Variants in TERT observed in about 807,000 individuals in gnomAD.
TERT encodes telomerase catalytic subunit.
TERT carries 42 observed loss-of-function variants against 104.0 expected under a neutral mutation model. The ratio of observed to expected loss-of-function variants is 0.40; its 90% CI spans 0.32 to 0.52. The LOEUF is 0.52. Ranked by LOEUF, TERT falls within the 20% of genes least tolerant of loss-of-function variation. The pLI is 0.43. For synonymous variants in TERT, 781 were observed against 725.6 expected, an observed-to-expected ratio of 1.08 and a Z score of -1.23; for missense variants, 1,101 against 1,610.3, an observed-to-expected ratio of 0.68 and a Z score of 5.41.
chr5:1,289,642 A>G (rs1412706990), intron 2 of TERT, among the ~76,000 whole-genome samples: 1 of 103,766 alleles, frequency 9.6e-6, no homozygotes, highest in East Asian at 2.8e-4. Flanking sequence ...CGCCTCACTC[A>G]CCCTGCACGT....
In TERT at chr5:1,293,397, G is replaced by A. The variant is rs747756167; in HGVS notation, c.1489C>T (p.Leu497=). The change falls in exon 2 of 16, where the codon CTG becomes TTG. Residue 497 remains leucine, a synonymous_variant. Coordinates refer to ENST00000310581, the MANE Select transcript of TERT (RefSeq NM_198253.3). The stretch of plus-strand genomic sequence containing the variant: ...AGCGAGAGCTTGGCATGCTTCCCCA[G>A]GGAGATGAACTTCTTGGTGTTCCTG... ...FLRNTKKFIS[L]GKHAKLSLQE... is the part of the protein sequence containing the mutation. The A allele has an allele frequency of 6.2e-7, 1 of 1,613,320 alleles. No homozygotes were observed. Among genetic ancestry groups the A allele is most frequent in the Admixed American group, 1.7e-5 (1 of 60,022 alleles).
chr5:1,270,044 G>A lies in TERT; in HGVS notation c.2468+1075C>T, dbSNP rs1339967473. On this transcript the variant is annotated intron_variant, in intron 8 of 15. Coordinates refer to ENST00000310581, the MANE Select transcript of TERT (RefSeq NM_198253.3). The surrounding 1 kb of genome is among the most constrained non-coding windows in gnomAD (Gnocchi z 8.3). Reference sequence around the variant, plus strand: ...ACGACCACGAAGGAGGCCCGTGGTGGCTTCTCTGGGGAGGTGACTTTGTCA... The same window carrying A: ...ACGACCACGAAGGAGGCCCGTGGTGACTTCTCTGGGGAGGTGACTTTGTCA... 6.6e-6 allele frequency among the ~76,000 whole-genome samples: 1 copy of A among 152,180 alleles called. No individual in the cohort carries two copies. Among genetic ancestry groups the A allele is most frequent in the East Asian group, 1.9e-4 (1 of 5,186 alleles).
intron 3 of TERT, 61 bp from the exon 4 acceptor site, chr5:1,280,399 A>C: frequency 6.4e-7 from 1 of 1,558,492 alleles, no homozygotes; most frequent in Non-Finnish European, 8.7e-7. Flanking sequence ...GGGGAAGCTC[A>C]CGGGAAGCCA....
At chr5:1,293,244 C>T (rs942953904) in intron 2 of TERT, 69 bp downstream of exon 2, 4 of 1,583,842 alleles carry the variant, frequency 2.5e-6, no homozygotes, top group Admixed American at 1.7e-5. Flanking sequence ...GCTCTGCCTG[C>T]CCCCTTTTCT....
At position 1,260,547 on chromosome 5, in the gene TERT, G is replaced by C. The variant is rs766236334; in HGVS notation, c.2897C>G (p.Ala966Gly). ...ASLTFNRGFK[A>G]GRNMRRKLFG... ...GAGTTTGCGACGCATGTTCCTCCCAGCCTTGAAGCCGCGGTTGAAGGTGAG... is the reference window on the plus strand; with the variant it reads ...GAGTTTGCGACGCATGTTCCTCCCACCCTTGAAGCCGCGGTTGAAGGTGAG... The change falls in exon 12 of 16, where the codon GCT becomes GGT. Residue 966 changes from alanine (A) to glycine (G), a missense_variant. Physicochemically the swap from Ala to Gly is moderately conservative, Grantham distance 60 (BLOSUM62 0). Transcript: ENST00000310581. 1 of 1,614,076 alleles carries C rather than the reference G, an allele frequency of 6.2e-7. No homozygotes were observed. Among genetic ancestry groups the C allele is most frequent in the Non-Finnish European group, 8.5e-7 (1 of 1,180,028 alleles).
chr5:1,279,603 C>T lies in TERT; in HGVS notation c.1951-133G>A, dbSNP rs1291286060. On this transcript the variant is annotated intron_variant, in intron 4 of 15. Transcript: ENST00000310581. ...CCCAGACCCGGGACCTAGAACCCCTCCCAGCTTCCTCAGACCCTGTTTGAA... is the reference window on the plus strand; with the variant it reads ...CCCAGACCCGGGACCTAGAACCCCTTCCAGCTTCCTCAGACCCTGTTTGAA... The T allele has an allele frequency of 5.7e-6, 5 of 880,982 alleles. No individual in the cohort carries two copies. The East Asian group carries it at 1.3e-4, about 23-fold the overall frequency. 54.6% of individuals were successfully genotyped at this position (880,982 alleles called of 1,614,324 possible). A position where few individuals can be genotyped will look rare whatever the true frequency, so the allele number is the denominator to read the frequency against.
Position 1,280,223 on chromosome 5 carries a change from C to G in TERT, c.1885G>C (p.Gly629Arg). ...SRLRFIPKPD[G>R]LRPIVNMDYV... ...TCCATGTTCACAATCGGCCGCAGCC[C>G]GTCAGGCTTGGGGATGAAGCGGAGT... Residue 629 changes from glycine (G) to arginine (R), a missense_variant, in exon 4 of 16, where the codon GGG (glycine) becomes CGG (arginine). Transcript: ENST00000310581. 6.2e-7 allele frequency: 1 copy of G among 1,614,008 alleles called. No individual in the cohort carries two copies. Among genetic ancestry groups the G allele is most frequent in the Non-Finnish European group, 8.5e-7 (1 of 1,180,046 alleles).
chr5:1,293,473 C>T lies in TERT; in HGVS notation c.1413G>A (p.Arg471=). The part of the protein sequence containing the change: ...VYGFVRACLR[R]LVPPGLWGSR... ...AGCCCCAGAGGCCTGGGGGCACCAG[C>T]CGGCGCAGGCAGGCCCGCACGAAGC... Residue 471 remains arginine (R), a synonymous_variant, in exon 2 of 16, where the codon CGG becomes CGA. Coordinates refer to ENST00000310581, the MANE Select transcript of TERT (RefSeq NM_198253.3). 1 of 1,605,436 alleles carries T rather than the reference C, an allele frequency of 6.2e-7. No individual in the cohort carries two copies.
At chr5:1,290,514 C>G (rs150095091) in intron 2 of TERT, among the ~76,000 whole-genome samples, 1 of 26,032 alleles carries the variant, frequency 3.8e-5, no homozygotes, top group Non-Finnish European at 6.5e-5. Context: ...CCGGGGACAG[C>G]GCCTCACTCA....
In TERT at chr5:1,293,537, T is replaced by C. The variant is rs1751132215; in HGVS notation, c.1349A>G (p.Gln450Arg). 6.4e-7 allele frequency: 1 copy of C among 1,553,834 alleles called. No individual in the cohort carries two copies. The highest frequency in any genetic ancestry group is 1.9e-5 in the Admixed American group (1 of 51,410). The change falls in exon 2 of 16, where the codon CAG becomes CGG. Residue 450 changes from glutamine to arginine, a missense_variant. By Grantham distance (43) the Gln-to-Arg change is conservative. Around this residue, in one of 5 missense-constraint regions of TERT, gnomAD observed 504 missense variants for 544.6 expected, o/e 0.93. Coordinates refer to ENST00000310581, the MANE Select transcript of TERT (RefSeq NM_198253.3). ...EEDTDPRRLV[Q>R]LLRQHSSPWQ... is the part of the protein sequence containing the mutation. ...GGGGCTGCTGTGCTGGCGGAGCAGC[T>C]GCACCAGGCGACGGGGGTCTGTGTC...
chr5:1,284,069 A>C (rs1298482221), intron 2 of TERT, among the ~76,000 whole-genome samples: 1 of 126,586 alleles, frequency 7.9e-6, no homozygotes, highest in Non-Finnish European at 1.7e-5. Context: ...TCCAGCTCAC[A>C]GCAGGGCCTG....
chr5:1,291,654 A>ACGCCTCAC (rs1750986047), intron 2 of TERT, among the ~76,000 whole-genome samples: 2 of 68,608 alleles, frequency 2.9e-5, no homozygotes, highest in Admixed American at 1.7e-4. Flanking sequence ...CCACACCTCA[A>ACGCCTCAC]TCACGCTGCA....
Position 1,279,365 on chromosome 5 carries a change from T to C in TERT, c.2056A>G (p.Ile686Val). Reference protein sequence around the residue: ...LGASVLGLDDIHRAWRTFVLR... With the variant: ...LGASVLGLDDVHRAWRTFVLR... The stretch of plus-strand genomic sequence containing the variant: ...ACGAAGGTGCGCCAGGCCCTGTGGA[T>C]ATCGTCCAGGCCCAGCACAGAGGCG... Residue 686 changes from isoleucine (I) to valine (V), a missense_variant, in exon 5 of 16, where the codon ATC becomes GTC. Ile to Val is a conservative substitution (Grantham distance 29, BLOSUM62 3). Transcript: ENST00000310581. 1 of 1,571,184 alleles carries C rather than the reference T, an allele frequency of 6.4e-7. No homozygotes were observed. Among genetic ancestry groups the C allele is most frequent in the South Asian group, 1.2e-5 (1 of 85,530 alleles).
rs372497245 is a variant in TERT at position 1,271,169 on chromosome 5, G to A, written c.2418C>T (p.Phe806=). 6.3e-5 allele frequency: 101 copies of A among 1,613,080 alleles called. No individual in the cohort carries two copies. Among genetic ancestry groups the A allele is most frequent in the African/African-American group, 9.3e-5 (7 of 74,948 alleles). The change falls in exon 8 of 16, where the codon TTC becomes TTT. Residue 806 remains phenylalanine (F), a synonymous_variant. Transcript: ENST00000310581. ...GGCACATGAAGCGTAGGAAGACGTC[G>A]AAGAGGCCACTGCTGGCCTCATTCA... ...SSLNEASSGL[F]DVFLRFMCHH...
At chr5:1,258,384 C>T (rs1747902328) in intron 13 of TERT, among the ~76,000 whole-genome samples, 1 of 152,270 alleles carries the variant, frequency 6.6e-6, no homozygotes. Flanking sequence ...CACCTGGGGC[C>T]ACACCGGCTC....
chr5:1,253,764 C>T lies in TERT; in HGVS notation c.3363G>A (p.Pro1121=), dbSNP rs750020682. Reference sequence around the variant, plus strand: ...TGGTCTTGAAGTCTGAGGGCAGTGCCGGGTTGGCTGCGGCCTCCAGGGCAG... The same window carrying T: ...TGGTCTTGAAGTCTGAGGGCAGTGCTGGGTTGGCTGCGGCCTCCAGGGCAG... ...TLTALEAAAN[P]ALPSDFKTIL... The change falls in exon 16 of 16, where the codon CCG becomes CCA. Residue 1121 remains proline (P), a synonymous_variant. Transcript: ENST00000310581. 43 of 1,612,080 alleles carry T rather than the reference C, an allele frequency of 2.7e-5. 1 individual carries two copies. The highest frequency in any genetic ancestry group is 2.3e-4 in the African/African-American group (17 of 74,928).
rs894938737 is a variant in TERT at position 1,294,998 on chromosome 5, T to C, written c.-9A>G. The C allele has an allele frequency of 2.9e-5, 38 of 1,308,190 alleles. 1 individual carries two copies. In the South Asian group the frequency reaches 8.7e-4, roughly 30 times the overall value. The allele number at this position is 1,308,190 out of a possible 1,614,324, so 81.0% of individuals were successfully genotyped here. ...CGGGGAGCGCGCGGCATCGCGGGGG[T>C]GGCCGGGGCCAGGGCTTCCCACGTG... is the stretch of plus-strand genomic sequence containing the variant. On this transcript the variant is annotated 5_prime_UTR_variant, in exon 1 of 16. Transcript: ENST00000310581.
intron 3 of TERT, among the ~76,000 whole-genome samples, chr5:1,281,318 G>A (rs921061266): frequency 5.3e-5 from 8 of 152,168 alleles, no homozygotes; most frequent in Non-Finnish European, 1.0e-4. Context: ...CCCCAGCCCA[G>A]AGGCTGTGTT....
rs1483424312 is a variant in TERT at position 1,255,035 on chromosome 5, G to GC, written c.3157+251dup. 6.6e-6 allele frequency among the ~76,000 whole-genome samples: 1 copy of GC among 152,134 alleles called. No individual in the cohort carries two copies. Among genetic ancestry groups the GC allele is most frequent in the Non-Finnish European group, 1.5e-5 (1 of 68,002 alleles). On this transcript the variant is annotated intron_variant, in intron 14 of 15. Coordinates refer to ENST00000310581, the MANE Select transcript of TERT (RefSeq NM_198253.3). The surrounding 1 kb of genome is among the most constrained non-coding windows in gnomAD (Gnocchi z 6.9). ...CCATGGGGCAAACAGGAGAGACCAG[G>GC]CCCCCCAGCGCTTCCCCAGGCAGAG...
Sources: allele counts gnomAD v4.1 joint callset (sites outside exome capture counted in the v4.1 genomes callset), GRCh38; gene constraint gnomAD v4.1.1; regional missense constraint gnomAD v4.1.1; non-coding constraint Gnocchi (gnomAD v3.1); transcripts MANE v1.5; gene names NCBI Gene and HGNC (gene_info 2026-07-23, HGNC 2026-07-21).